The following CSMD3 variants were observed in gnomAD, a reference collection of about 807,000 sequenced individuals.
CSMD3 encodes CUB and Sushi multiple domains 3, also known as CUB and sushi domain-containing protein 3.
A neutral mutation model predicts 435.2 loss-of-function variants in CSMD3; 177 were observed. The ratio of observed to expected loss-of-function variants is 0.41; its 90% confidence interval spans 0.36 to 0.46. CSMD3 has a LOEUF of 0.46. CSMD3 is among the 20% of genes least tolerant of loss of function. The pLI is 0.34. For synonymous variants in CSMD3, 1,656 were observed against 1,520.5 expected (o/e 1.09, Z -2.07); for missense variants, 4,265 against 4,504.6 (o/e 0.95, Z 1.52).
chr8:112,987,156 T>A (rs934400458), intron 6 of CSMD3, among the ~76,000 whole-genome samples: 2 of 152,068 alleles, frequency 1.3e-5, no homozygotes, highest in African/African-American at 4.8e-5. Flanking sequence ...TGCAAAAAAA[T>A]TTAATCATTA....
At chr8:112,613,930 C>T (rs1833467257) in intron 22 of CSMD3, among the ~76,000 whole-genome samples, 1 of 152,052 alleles carries the variant, frequency 6.6e-6, no homozygotes. Context: ...TGAGACCAAC[C>T]TGTGCAACAA....
At chr8:112,938,829 A>G (rs546083352) in intron 9 of CSMD3, among the ~76,000 whole-genome samples, 41 of 152,218 alleles carry the variant, frequency 2.7e-4, no homozygotes, top group Admixed American at 9.2e-4. Context: ...AGCAAGGGGG[A>G]AAAAGGATCA....
intron 22 of CSMD3, among the ~76,000 whole-genome samples, chr8:112,597,079 C>G (rs1288133195): frequency 6.6e-6 from 1 of 152,120 alleles, no homozygotes; most frequent in East Asian, 1.9e-4. Context: ...AATCCAGGAG[C>G]TGGTTTTTTG....
At chr8:113,194,904 A>C (rs557137385) in intron 3 of CSMD3, among the ~76,000 whole-genome samples, 54 of 151,274 alleles carry the variant, frequency 3.6e-4, no homozygotes, top group African/African-American at 1.3e-3. Flanking sequence ...GTATTTCGTT[A>C]AAGTCTTGGC....
chr8:112,567,008 T>C (rs1237537936), intron 24 of CSMD3, among the ~76,000 whole-genome samples: 5 of 152,134 alleles, frequency 3.3e-5, no homozygotes, highest in African/African-American at 9.7e-5. Flanking sequence ...CTCTTTCTTT[T>C]GGCTATTAAA....
Position 112,336,815 on chromosome 8 carries a change from T to C in CSMD3, c.6856A>G (p.Asn2286Asp). The C allele has an allele frequency of 6.2e-7, 1 of 1,612,640 alleles. No individual in the cohort carries two copies. The highest frequency in any genetic ancestry group is 8.5e-7 in the Non-Finnish European group (1 of 1,178,916). Reference protein sequence around the residue: ...LPRCEALCGGNITAMNGTIYS... With the variant: ...LPRCEALCGGDITAMNGTIYS... ...ATGGTGCCATTCATTGCAGTTATATTCCCACCACAAAGAGCTACGGAAAAA... is the reference window on the plus strand; with the variant it reads ...ATGGTGCCATTCATTGCAGTTATATCCCCACCACAAAGAGCTACGGAAAAA... Residue 2286 changes from asparagine to aspartate, a missense_variant, in exon 44 of 71, where the codon AAT (asparagine) becomes GAT (aspartate). This residue lies in a region of CSMD3 where 3,255 missense variants were observed against 3,380.2 expected (regional missense o/e 0.96). Transcript: ENST00000297405.
chr8:112,325,672 T>C (rs532982946), intron 45 of CSMD3, among the ~76,000 whole-genome samples: 3 of 151,968 alleles, frequency 2.0e-5, no homozygotes, highest in African/African-American at 7.2e-5. Context: ...ATATTACATA[T>C]AAGTATATAT....
At chr8:112,732,007 G>A (rs1208172505) in intron 13 of CSMD3, among the ~76,000 whole-genome samples, 3 of 152,016 alleles carry the variant, frequency 2.0e-5, no homozygotes, top group Non-Finnish European at 4.4e-5. Flanking sequence ...CAGGGCCAGC[G>A]CATGAAAGGT....
At chr8:112,943,181 C>T (rs544004177) in intron 9 of CSMD3, among the ~76,000 whole-genome samples, 76 of 151,598 alleles carry the variant, frequency 5.0e-4, no homozygotes, top group African/African-American at 1.7e-3. Flanking sequence ...GAGTTGTTTT[C>T]TTATTGTTAA....
At chr8:113,259,980 C>T (rs2093414115) in intron 3 of CSMD3, among the ~76,000 whole-genome samples, 1 of 152,036 alleles carries the variant, frequency 6.6e-6, no homozygotes, top group South Asian at 2.1e-4. Context: ...TAAGTTCTCA[C>T]CAGATCTAAT....
chr8:112,927,580 C>G (rs1418358688), intron 9 of CSMD3, among the ~76,000 whole-genome samples: 1 of 152,048 alleles, frequency 6.6e-6, no homozygotes, highest in Non-Finnish European at 1.5e-5. Context: ...TAAACTCTAT[C>G]CAAAGGGATG....
intron 1 of CSMD3, among the ~76,000 whole-genome samples, chr8:113,379,848 A>G (rs967837869): frequency 6.6e-6 from 1 of 152,196 alleles, no homozygotes; most frequent in South Asian, 2.1e-4. Flanking sequence ...TTAAATAGAA[A>G]CTATACATTG....
rs550143136 is a variant in CSMD3 at position 112,775,088 on chromosome 8, C to T, written c.1972+25074G>A. Among the ~76,000 whole-genome samples the T allele has an allele frequency of 9.9e-5, 15 of 151,922 alleles. No homozygotes were observed. The South Asian group carries it at 2.7e-3, about 27-fold the overall frequency. ...TGCCCCCACTTTGCTGACCTGATAT[C>T]ACCTCTCATCTGAAGACTGCCCTGA... On this transcript the variant is annotated intron_variant, in intron 13 of 70. Transcript: ENST00000297405.
intron 1 of CSMD3, among the ~76,000 whole-genome samples, chr8:113,344,907 C>T (rs968119363): frequency 2.0e-5 from 3 of 152,008 alleles, no homozygotes; most frequent in African/African-American, 7.3e-5. Flanking sequence ...TATTGTACAT[C>T]ACTTTACAAC....
At chr8:113,273,833 T>G (rs2093549010) in intron 3 of CSMD3, among the ~76,000 whole-genome samples, 1 of 152,128 alleles carries the variant, frequency 6.6e-6, no homozygotes, top group South Asian at 2.1e-4. Flanking sequence ...GGATAAACTA[T>G]CAGGTATAGC....
At chr8:113,409,102 G>A (rs111613105) in intron 1 of CSMD3, among the ~76,000 whole-genome samples, 1,919 of 14,600 alleles carry the variant, frequency 0.13, 36 homozygotes, top group African/African-American at 0.22. Context: ...TTTTTTTTTT[G>A]AGATGGAGTC....
At chr8:112,726,780 A>C (rs934397749) in intron 13 of CSMD3, among the ~76,000 whole-genome samples, 4 of 151,876 alleles carry the variant, frequency 2.6e-5, no homozygotes, top group Non-Finnish European at 5.9e-5. Context: ...TGCGTCATTA[A>C]ATTTTTAAAA....
At chr8:113,127,441 C>A (rs142395731) in intron 4 of CSMD3, among the ~76,000 whole-genome samples, 174 of 152,092 alleles carry the variant, frequency 1.1e-3, no homozygotes, top group African/African-American at 4.1e-3. Context: ...GTATTTCAAG[C>A]CCTTGGGACC....
Position 112,682,431 on chromosome 8 carries a change from A to T in CSMD3, c.2677+11T>A, listed in dbSNP as rs1352605410. Reference sequence around the variant, plus strand: ...GATGAGGTTCTATTTCTCACTCACTACTACACTTACCTCCACATTTTGGAA... The same window carrying T: ...GATGAGGTTCTATTTCTCACTCACTTCTACACTTACCTCCACATTTTGGAA... On this transcript the variant is annotated intron_variant, in intron 16 of 70. Coordinates refer to ENST00000297405, the MANE Select transcript of CSMD3 (RefSeq NM_198123.2). 1 of 1,603,242 alleles carries T rather than the reference A, an allele frequency of 6.2e-7. No homozygotes were observed. The highest frequency in any genetic ancestry group is 1.1e-5 in the South Asian group (1 of 90,778).
Sources: gnomAD v4.1 joint callset for allele counts (sites outside exome capture counted in the v4.1 genomes callset) on GRCh38, gnomAD v4.1.1 for gene constraint, gnomAD v4.1.1 regional missense constraint, MANE v1.5 for transcripts, NCBI Gene and HGNC (gene_info 2026-07-23, HGNC 2026-07-21) for gene names.